Variants in PLA2R1 observed in about 807,000 individuals in gnomAD.
PLA2R1 encodes secretory phospholipase A2 receptor.
In PLA2R1, 158 loss-of-function variants were observed where a neutral mutation model predicts 195.9. That is an observed-to-expected ratio of 0.81 (90% CI 0.71 to 0.92). The LOEUF (loss-of-function observed/expected upper bound fraction) is 0.92. Among genes scored for constraint, PLA2R1 ranks in the 40% least tolerant of loss-of-function variants. The probability of loss-of-function intolerance (pLI) is 0.00; values close to 1 mark genes in which losing one functional copy is unlikely to be tolerated. For missense variants in PLA2R1, 1,626 were observed against 1,764.6 expected (o/e 0.92, Z 1.41); for synonymous variants, 586 against 598.2 (o/e 0.98, Z 0.30).
At chr2:160,051,113 AT>A (rs1398038057) in intron 1 of PLA2R1, among the ~76,000 whole-genome samples, 1 of 152,240 alleles carries the variant, frequency 6.6e-6, no homozygotes, top group Non-Finnish European at 1.5e-5. Context: ...TAATGGTGGC[AT>A]TTTAGGCAAA....
At position 160,013,334 on chromosome 2, in the gene PLA2R1, T is replaced by A; in HGVS notation, c.1593A>T (p.Thr531=). The A allele has an allele frequency of 1.2e-6, 2 of 1,610,930 alleles. No individual in the cohort carries two copies. The highest frequency in any genetic ancestry group is 1.7e-6 in the Non-Finnish European group (2 of 1,177,312). ...AAGCTTGGTCAAAGCTTCGAAGGAC[T>A]GTGTCAATTTTGTAACAGAATCCAC... ...RHGGFCYKID[T]VLRSFDQASS... The change falls in exon 10 of 30, where the codon ACA becomes ACT. Residue 531 remains threonine (T), a synonymous_variant. Transcript: ENST00000283243.
chr2:159,983,650 T>C (rs901606956), intron 13 of PLA2R1, among the ~76,000 whole-genome samples: 4 of 152,138 alleles, frequency 2.6e-5, no homozygotes, highest in African/African-American at 9.7e-5. Context: ...TTGGGGTAGA[T>C]AATTCCTGAG....
In PLA2R1 at chr2:159,951,346, G is replaced by A; in HGVS notation, c.3534C>T (p.Thr1178=). ...LGYAHWIGLF[T]TDNGLNFDWS... is the part of the protein sequence containing the mutation. Reference sequence around the variant, plus strand: ...AGGGAGTTAGGATACCTACATCTGTGGTGAACAGTCCAATCCAGTGGGCAT... The same window carrying A: ...AGGGAGTTAGGATACCTACATCTGTAGTGAACAGTCCAATCCAGTGGGCAT... The change falls in exon 24 of 30, where the codon ACC becomes ACT. Residue 1178 remains threonine (T), a synonymous_variant. Transcript: ENST00000283243. The A allele has an allele frequency of 6.4e-7, 1 of 1,574,176 alleles. No individual in the cohort carries two copies. Among genetic ancestry groups the A allele is most frequent in the Non-Finnish European group, 8.7e-7 (1 of 1,143,654 alleles).
chr2:160,031,590 A>T (rs1255528106), intron 4 of PLA2R1, among the ~76,000 whole-genome samples: 1 of 152,162 alleles, frequency 6.6e-6, no homozygotes, highest in African/African-American at 2.4e-5. Flanking sequence ...AGAAGGGGAA[A>T]TTGAGGCACA....
Position 160,062,488 on chromosome 2 carries a change from C to A in PLA2R1, c.-85G>T. 1 of 1,434,536 alleles carries A rather than the reference C, an allele frequency of 7.0e-7. No individual in the cohort carries two copies. The allele number at this position is 1,434,536 out of a possible 1,614,324, so 88.9% of individuals were successfully genotyped here. On this transcript the variant is annotated 5_prime_UTR_variant, in exon 1 of 30. Transcript: ENST00000283243. Reference sequence around the variant, plus strand: ...CAGAGCCGCGTCCCAAGCACCCGGCCCCGCCGCGCGGAAGCGGATCCGTAG... The same window carrying A: ...CAGAGCCGCGTCCCAAGCACCCGGCACCGCCGCGCGGAAGCGGATCCGTAG...
rs56365741 is a variant in PLA2R1, at chr2:160,025,588, C to CAAAAAA, written c.1099+2624_1099+2629dup. On this transcript the variant is annotated intron_variant, in intron 6 of 29. Coordinates refer to ENST00000283243, the MANE Select transcript of PLA2R1 (RefSeq NM_007366.5). ...TGTAAGCCACATGGTAACCATAAAG[C>CAAAAAA]AAAAAAAAAAAAAAAAAAAAAACTA... 9.1e-3 allele frequency among the ~76,000 whole-genome samples: 480 copies of CAAAAAA among 52,880 alleles called. 2 individuals carry two copies. The highest frequency in any genetic ancestry group is 0.011 in the Non-Finnish European group (339 of 31,576). The allele number at this position is 52,880 out of a possible 152,430, so 34.7% of individuals were successfully genotyped here.
intron 8 of PLA2R1, among the ~76,000 whole-genome samples, chr2:160,018,721 T>C (rs73967986): frequency 0.026 from 3,932 of 152,300 alleles, 142 homozygotes; most frequent in African/African-American, 0.084. Flanking sequence ...TTAGAGGTAT[T>C]GTTTCTCCTT....
chr2:160,056,017 ACC>A (rs561419355), intron 1 of PLA2R1, among the ~76,000 whole-genome samples: 45 of 151,458 alleles, frequency 3.0e-4, no homozygotes, highest in Non-Finnish European at 5.6e-4. Context: ...CCCCCCATTC[ACC>A]ATGGCTTTGA....
intron 3 of PLA2R1, 30 bp from the exon 4 acceptor site, chr2:160,033,162 G>C (rs2203053): frequency 1.9e-6 from 3 of 1,567,676 alleles, no homozygotes; most frequent in Non-Finnish European, 2.6e-6. Flanking sequence ...AAAACAACCA[G>C]GTCTTATTTT....
intron 23 of PLA2R1, among the ~76,000 whole-genome samples, 167 bp from the exon 24 acceptor site, chr2:159,951,745 A>G (rs1478987417): frequency 2.6e-5 from 4 of 152,242 alleles, no homozygotes; most frequent in African/African-American, 9.6e-5. Flanking sequence ...AAGTGATGCA[A>G]AAAAATGAGA....
At chr2:160,057,998 T>C (rs1340391361) in intron 1 of PLA2R1, among the ~76,000 whole-genome samples, 1 of 152,112 alleles carries the variant, frequency 6.6e-6, no homozygotes, top group African/African-American at 2.4e-5. Flanking sequence ...CTGAGTTCTA[T>C]ACAGTTCCTC....
In PLA2R1 at chr2:160,060,559, A is replaced by G. The variant is rs114905187; in HGVS notation, c.109+1736T>C. On this transcript the variant is annotated intron_variant, in intron 1 of 29. Transcript: ENST00000283243. ...TCAGCAGCAGCATTTTCATATCTGA[A>G]GAATCTCTATGCCAACTATGTCAAC... is the stretch of plus-strand genomic sequence containing the variant. 4.6e-3 allele frequency among the ~76,000 whole-genome samples: 703 copies of G among 152,348 alleles called. 6 individuals are homozygous for G. Among genetic ancestry groups the G allele is most frequent in the Non-Finnish European group, 8.0e-3 (545 of 68,032 alleles).
chr2:159,940,390 GT>G lies in PLA2R1; in HGVS notation c.*1387del, dbSNP rs1687032845. ...CCAAGTTGCTCACCTTAGTACCTCT[GT>G]TTCTAGAACAGCACTTTTTTGAGGT... On this transcript the variant is annotated 3_prime_UTR_variant, in exon 30 of 30. Coordinates refer to ENST00000283243, the MANE Select transcript of PLA2R1 (RefSeq NM_007366.5). 1 of 152,170 alleles carries G rather than the reference GT, an allele frequency of 6.6e-6. No homozygotes were observed. Among genetic ancestry groups the G allele is most frequent in the African/African-American group, 2.4e-5 (1 of 41,444 alleles). The allele number at this position is 152,170 out of a possible 1,614,324, so 9.4% of individuals were successfully genotyped here.
At chr2:160,012,379 T>C (rs974964052) in intron 10 of PLA2R1, among the ~76,000 whole-genome samples, 1 of 152,106 alleles carries the variant, frequency 6.6e-6, no homozygotes. Context: ...CTCTTGGTAT[T>C]TTTATCCCCT....
chr2:160,044,855 C>T lies in PLA2R1; in HGVS notation c.412G>A (p.Val138Met). 1 of 1,614,006 alleles carries T rather than the reference C, an allele frequency of 6.2e-7. No homozygotes were observed. ...TGAATATACTTCCGTGAGGCCACCA[C>T]TGTGTTGTCATGCGCCACCTGGACA... ...YSVQVAHDNTVVASRKYIHKW... is the reference protein window; with the variant it reads ...YSVQVAHDNTMVASRKYIHKW... Residue 138 changes from valine to methionine, a missense_variant, in exon 2 of 30, where the codon GTG becomes ATG. Coordinates refer to ENST00000283243, the MANE Select transcript of PLA2R1 (RefSeq NM_007366.5).
chr2:160,011,961 T>TGTGC (rs1476789757), intron 10 of PLA2R1, among the ~76,000 whole-genome samples: 121 of 31,218 alleles, frequency 3.9e-3, no homozygotes, highest in African/African-American at 0.013. Context: ...TGTGTGTGCG[T>TGTGC]GTGTCTGTTT....
chr2:160,061,627 T>C (rs1165476572), intron 1 of PLA2R1, among the ~76,000 whole-genome samples: 1 of 151,950 alleles, frequency 6.6e-6, no homozygotes, highest in South Asian at 2.1e-4. Flanking sequence ...TACAAAAATT[T>C]TGCTGGGCGT....
chr2:159,984,168 T>G lies in PLA2R1; in HGVS notation c.2038-95A>C, dbSNP rs943001104. Reference sequence around the variant, plus strand: ...AGTAACAGTAATATTAACATAATCATCATTATTATTTATAAAGAGCTTGAT... The same window carrying G: ...AGTAACAGTAATATTAACATAATCAGCATTATTATTTATAAAGAGCTTGAT... On this transcript the variant is annotated intron_variant, in intron 12 of 29. Coordinates refer to ENST00000283243, the MANE Select transcript of PLA2R1 (RefSeq NM_007366.5). The G allele has an allele frequency of 6.1e-5, 36 of 589,952 alleles. No individual in the cohort carries two copies. In the Admixed American group the frequency reaches 9.0e-4, roughly 15 times the overall value. 36.5% of individuals were successfully genotyped at this position (589,952 alleles called of 1,614,324 possible).
At chr2:159,959,118 C>A (rs1324582164) in intron 20 of PLA2R1, among the ~76,000 whole-genome samples, 1 of 152,180 alleles carries the variant, frequency 6.6e-6, no homozygotes, top group African/African-American at 2.4e-5. Flanking sequence ...TAACAACTAT[C>A]CTTTTATCTA....
Sources: gnomAD v4.1 joint callset for allele counts (sites outside exome capture counted in the v4.1 genomes callset) on GRCh38, gnomAD v4.1.1 for gene constraint, MANE v1.5 for transcripts, NCBI Gene and HGNC (gene_info 2026-07-23, HGNC 2026-07-21) for gene names.